MAD1L1: variants seen among roughly 807,000 people sequenced by gnomAD.
MAD1L1 encodes the protein mitotic spindle assembly checkpoint protein MAD1.
In MAD1L1, 95 loss-of-function variants were observed where a neutral mutation model predicts 96.9. The ratio of observed to expected loss-of-function variants is 0.98; its 90% CI spans 0.83 to 1.16. The LOEUF (loss-of-function observed/expected upper bound fraction) is 1.16. Among genes scored for constraint, MAD1L1 ranks in the 50% most tolerant of loss-of-function variants. MAD1L1 has a pLI of 0.00. For synonymous variants in MAD1L1, 473 were observed against 396.6 expected (o/e 1.19, Z -2.29); for missense variants, 1,007 against 954.4 (o/e 1.06, Z -0.73).
At chr7:2,067,625 C>CCCCCG in intron 12 of MAD1L1, among the ~76,000 whole-genome samples, 1 of 143,438 alleles carries the variant, frequency 7.0e-6, no homozygotes, top group African/African-American at 3.0e-5. Flanking sequence ...TCAGCCCGAA[C>CCCCCG]CACCGCAGTG....
intron 17 of MAD1L1, among the ~76,000 whole-genome samples, chr7:1,933,788 T>C (rs902736720): frequency 6.6e-6 from 1 of 152,192 alleles, no homozygotes; most frequent in Admixed American, 6.5e-5. Flanking sequence ...GACAGATGGT[T>C]CCGGGGACCC....
chr7:1,900,589 T>G (rs916075149), intron 17 of MAD1L1, among the ~76,000 whole-genome samples: 4 of 152,130 alleles, frequency 2.6e-5, no homozygotes, highest in African/African-American at 9.7e-5. Flanking sequence ...GACTCTTCCC[T>G]GCGTCCCTCG....
chr7:2,022,958 C>T (rs910406359), intron 12 of MAD1L1, among the ~76,000 whole-genome samples: 48 of 152,136 alleles, frequency 3.2e-4, no homozygotes, highest in African/African-American at 1.1e-3. Context: ...CACTCCATTC[C>T]GATAAAAAGG....
chr7:1,958,848 A>G (rs2128474506), intron 15 of MAD1L1, among the ~76,000 whole-genome samples: 1 of 152,376 alleles, frequency 6.6e-6, no homozygotes, highest in East Asian at 1.9e-4. Flanking sequence ...CACAGGTAGA[A>G]GTGGAAACTA....
At chr7:1,841,648 G>A (rs1366036138) in intron 18 of MAD1L1, among the ~76,000 whole-genome samples, 3 of 152,248 alleles carry the variant, frequency 2.0e-5, no homozygotes, top group African/African-American at 7.2e-5. Context: ...AGTGGCTGAG[G>A]CCGGTGGGGA....
chr7:2,217,408 G>A (rs918424457), intron 7 of MAD1L1, among the ~76,000 whole-genome samples: 2 of 152,218 alleles, frequency 1.3e-5, no homozygotes, highest in African/African-American at 4.8e-5. Flanking sequence ...CAGGCTGGGG[G>A]TGCCGGGCAG....
rs528939162 is a variant in MAD1L1 at position 1,912,885 on chromosome 7, C to T, written c.1808-14495G>A. Among the ~76,000 whole-genome samples, 20 of 149,160 alleles carry T rather than the reference C, an allele frequency of 1.3e-4. No homozygotes were observed. The South Asian group carries it at 4.1e-3, about 31-fold the overall frequency. On this transcript the variant is annotated intron_variant, in intron 17 of 18. Coordinates refer to ENST00000265854, the MANE Select transcript of MAD1L1 (RefSeq NM_001013836.2). ...GGAGAGAGGCCTGGGGTGGCGGCGG[C>T]GAGGTCCTGGGAGACGTGGGGGCGG...
rs371861502 is a variant in MAD1L1, at chr7:1,980,491, C to G, written c.1467G>C (p.Gln489His). Residue 489 changes from glutamine to histidine, a missense_variant, in exon 15 of 19, where the codon CAG (glutamine) becomes CAC (histidine). By Grantham distance (24) the Gln-to-His change is conservative. Coordinates refer to ENST00000265854, the MANE Select transcript of MAD1L1 (RefSeq NM_001013836.2). ...MLKSQSSSAE[Q>H]SFLFSREEAD... is the part of the protein sequence containing the mutation. ...CCTCCTCCCTGGAGAACAGGAAGCT[C>G]TGTTCGGCAGAGCTGGACTGAGACT... is the stretch of plus-strand genomic sequence containing the variant. 2 of 1,600,434 alleles carry G rather than the reference C, an allele frequency of 1.2e-6. No individual in the cohort carries two copies. Among genetic ancestry groups the G allele is most frequent in the Non-Finnish European group, 1.7e-6 (2 of 1,178,010 alleles).
chr7:1,828,088 A>G (rs1353104275), intron 18 of MAD1L1, among the ~76,000 whole-genome samples: 5 of 151,868 alleles, frequency 3.3e-5, no homozygotes, highest in Admixed American at 3.3e-4. Flanking sequence ...TCTGAGCTGA[A>G]GTTTCCTGAA....
intron 17 of MAD1L1, among the ~76,000 whole-genome samples, chr7:1,899,563 C>G (rs1474235763): frequency 6.6e-6 from 1 of 152,226 alleles, no homozygotes; most frequent in African/African-American, 2.4e-5. Context: ...TTAAAGTCAA[C>G]CATGGCCATA....
chr7:1,923,641 T>C (rs1186688166), intron 17 of MAD1L1, among the ~76,000 whole-genome samples: 2 of 152,262 alleles, frequency 1.3e-5, no homozygotes, highest in Non-Finnish European at 2.9e-5. Context: ...GTGGCTGGCG[T>C]TGGCCGTGAA....
At chr7:2,016,944 C>T (rs995499790) in intron 12 of MAD1L1, among the ~76,000 whole-genome samples, 3 of 152,256 alleles carry the variant, frequency 2.0e-5, no homozygotes, top group Non-Finnish European at 2.9e-5. Flanking sequence ...GCGCGGACGC[C>T]GCGCAAGGCC....
chr7:1,859,261 G>C (rs139018756), intron 18 of MAD1L1, among the ~76,000 whole-genome samples: 1 of 152,216 alleles, frequency 6.6e-6, no homozygotes. Flanking sequence ...CGCAGCAGCT[G>C]TGATGATCAG....
At chr7:1,906,651 C>T (rs1053605362) in intron 17 of MAD1L1, among the ~76,000 whole-genome samples, 14 of 152,254 alleles carry the variant, frequency 9.2e-5, no homozygotes, top group Non-Finnish European at 1.9e-4. Flanking sequence ...TGTTTCCCTG[C>T]GGCGCACCCT....
intron 18 of MAD1L1, among the ~76,000 whole-genome samples, chr7:1,841,710 T>C (rs1006260574): frequency 7.9e-5 from 12 of 152,232 alleles, no homozygotes; most frequent in Admixed American, 7.9e-4. Context: ...TGGGCGCTGC[T>C]TCCCTCGCGG....
At chr7:2,161,983 C>A (rs1393595931) in intron 10 of MAD1L1, among the ~76,000 whole-genome samples, 1 of 146,644 alleles carries the variant, frequency 6.8e-6, no homozygotes, top group African/African-American at 2.6e-5. Context: ...GGGGGGCGGC[C>A]CCCGCCCATC....
chr7:2,023,241 C>T (rs1782862015), intron 12 of MAD1L1, among the ~76,000 whole-genome samples: 2 of 152,162 alleles, frequency 1.3e-5, no homozygotes, highest in South Asian at 4.1e-4. Context: ...ATATTCCTCT[C>T]AAACTCATAT....
chr7:1,992,125 A>G (rs1268937742), intron 14 of MAD1L1, among the ~76,000 whole-genome samples: 84 of 143,924 alleles, frequency 5.8e-4, no homozygotes, highest in African/African-American at 2.2e-3. Context: ...CCTCACGAGC[A>G]CCGCTGGGTG....
intron 11 of MAD1L1, among the ~76,000 whole-genome samples, chr7:2,107,017 G>T (rs1787136188): frequency 6.6e-6 from 1 of 152,344 alleles, no homozygotes; most frequent in South Asian, 2.1e-4. Context: ...ACAGGGCCCG[G>T]CCCCACAGCC....
Sources: allele counts gnomAD v4.1 joint callset (sites outside exome capture counted in the v4.1 genomes callset), GRCh38; gene constraint gnomAD v4.1.1; transcripts MANE v1.5; gene names NCBI Gene and HGNC (gene_info 2026-07-23, HGNC 2026-07-21).